RIMS1: variants seen among roughly 807,000 people sequenced by gnomAD.
RIMS1 encodes the protein regulating synaptic membrane exocytosis protein 1.
In RIMS1, 83 loss-of-function variants were observed where a neutral mutation model predicts 214.1. The observed-to-expected ratio is 0.39, with a 90% confidence interval of 0.32 to 0.47. The LOEUF is 0.47. Ranked by LOEUF, RIMS1 falls within the 20% of genes least tolerant of loss-of-function variation. The pLI, the probability that RIMS1 is intolerant of heterozygous loss-of-function variation, is 0.99. For missense variants in RIMS1, 2,050 were observed against 2,161.8 expected (o/e 0.95, Z 1.03); for synonymous variants, 793 against 786.8 (o/e 1.01, Z -0.13).
intron 4 of RIMS1, among the ~76,000 whole-genome samples, chr6:72,144,863 A>G (rs1292034802): frequency 2.0e-5 from 3 of 151,822 alleles, no homozygotes; most frequent in Non-Finnish European, 4.4e-5. Context: ...CAAGTGTATG[A>G]TAAGGATTTT....
intron 29 of RIMS1, among the ~76,000 whole-genome samples, chr6:72,380,964 T>C (rs1057314474): frequency 6.6e-6 from 1 of 152,190 alleles, no homozygotes; most frequent in Non-Finnish European, 1.5e-5. Context: ...ATCACAATTA[T>C]TAAATAACAT....
intron 6 of RIMS1, among the ~76,000 whole-genome samples, chr6:72,200,612 T>C (rs1282328756): frequency 6.6e-6 from 1 of 152,130 alleles, no homozygotes; most frequent in African/African-American, 2.4e-5. Flanking sequence ...TTATGAAGGA[T>C]AGAGATGAGA....
intron 22 of RIMS1, among the ~76,000 whole-genome samples, chr6:72,269,898 A>T (rs1207188248): frequency 6.6e-6 from 1 of 152,146 alleles, no homozygotes; most frequent in African/African-American, 2.4e-5. Flanking sequence ...GTTAAATACC[A>T]TATCTTTGTA....
intron 2 of RIMS1, among the ~76,000 whole-genome samples, chr6:72,014,746 T>G (rs1386512017): frequency 6.6e-6 from 1 of 152,240 alleles, no homozygotes. Flanking sequence ...TCCACATCCT[T>G]GCCTTGTCAT....
chr6:72,367,715 T>A (rs1038357265), intron 29 of RIMS1, among the ~76,000 whole-genome samples: 3 of 152,176 alleles, frequency 2.0e-5, no homozygotes, highest in African/African-American at 7.2e-5. Context: ...AAAACAGTGC[T>A]GTTCTCCAAA....
chr6:72,116,197 C>A (rs1253823733), intron 4 of RIMS1, among the ~76,000 whole-genome samples: 1 of 151,922 alleles, frequency 6.6e-6, no homozygotes, highest in African/African-American at 2.4e-5. Flanking sequence ...TCTGCCTCAA[C>A]TTTTATACAG....
intron 1 of RIMS1, among the ~76,000 whole-genome samples, chr6:71,890,631 G>A (rs185296912): frequency 7.2e-5 from 10 of 139,780 alleles, no homozygotes; most frequent in African/African-American, 2.7e-4. Flanking sequence ...AATAGTAAGA[G>A]AAGAGAAAAA....
Position 72,284,084 on chromosome 6 carries a change from C to A in RIMS1, c.3520C>A (p.Gln1174Lys). The A allele has an allele frequency of 6.2e-7, 1 of 1,613,180 alleles. No individual in the cohort carries two copies. Among genetic ancestry groups the A allele is most frequent in the Non-Finnish European group, 8.5e-7 (1 of 1,179,348 alleles). Residue 1174 changes from glutamine (Q) to lysine (K), a missense_variant, in exon 24 of 34, where the codon CAG (glutamine) becomes AAG (lysine). Around this residue, in one of 6 missense-constraint regions of RIMS1, gnomAD observed 889 missense variants for 885.5 expected, o/e 1.00. Transcript: ENST00000521978. ...RKSERSSIQK[Q>K]TRKGTASDAE... Reference sequence around the variant, plus strand: ...GTCTGAAAGATCTAGCATCCAAAAACAGACTAGGAAAGGCACTGCCTCTGA... The same window carrying A: ...GTCTGAAAGATCTAGCATCCAAAAAAAGACTAGGAAAGGCACTGCCTCTGA...
intron 4 of RIMS1, among the ~76,000 whole-genome samples, chr6:72,118,205 T>A (rs1377147310): frequency 4.6e-5 from 7 of 151,450 alleles, no homozygotes; most frequent in African/African-American, 1.5e-4. Flanking sequence ...AAATATACAA[T>A]ACTTCTAGAT....
chr6:72,317,163 C>T (rs906278596), intron 28 of RIMS1: 10 of 342,832 alleles, frequency 2.9e-5, no homozygotes, highest in African/African-American at 1.9e-4. Context: ...AGGGTGCCCC[C>T]TCCCCAGAGT....
intron 6 of RIMS1, among the ~76,000 whole-genome samples, chr6:72,219,357 A>T (rs2057544034): frequency 6.6e-6 from 1 of 152,176 alleles, no homozygotes; most frequent in African/African-American, 2.4e-5. Context: ...TGCTTCACGT[A>T]GGCCAATCTT....
intron 2 of RIMS1, among the ~76,000 whole-genome samples, chr6:72,080,857 A>C (rs911023771): frequency 1.1e-4 from 17 of 152,322 alleles, no homozygotes; most frequent in African/African-American, 3.8e-4. Flanking sequence ...ACTTTAAAAA[A>C]ACAGGGAAAT....
At chr6:72,337,451 A>T (rs994960159) in intron 29 of RIMS1, among the ~76,000 whole-genome samples, 7 of 151,856 alleles carry the variant, frequency 4.6e-5, no homozygotes, top group African/African-American at 1.7e-4. Context: ...GATAAAAGTA[A>T]TATGTCTACA....
chr6:72,284,028 T>G lies in RIMS1; in HGVS notation c.3483-19T>G, dbSNP rs1398494991. ...GCTTTATTCATCATATATTTTGTGT[T>G]TAACATTTCATTCCACAGGCACTCC... On this transcript the variant is annotated intron_variant, in intron 23 of 33. Transcript: ENST00000521978. 1 of 1,601,346 alleles carries G rather than the reference T, an allele frequency of 6.2e-7. No homozygotes were observed. The highest frequency in any genetic ancestry group is 8.6e-7 in the Non-Finnish European group (1 of 1,169,410).
At chr6:72,365,348 A>G (rs1398735321) in intron 29 of RIMS1, among the ~76,000 whole-genome samples, 1 of 152,190 alleles carries the variant, frequency 6.6e-6, no homozygotes, top group African/African-American at 2.4e-5. Flanking sequence ...GCAGCCTTCT[A>G]TAAACCCAGA....
chr6:72,114,896 G>C (rs1339062288), intron 4 of RIMS1, among the ~76,000 whole-genome samples: 1 of 151,840 alleles, frequency 6.6e-6, no homozygotes. Context: ...GGTATGAGAG[G>C]GATGTTTGGT....
At chr6:72,119,407 T>A (rs1329714276) in intron 4 of RIMS1, among the ~76,000 whole-genome samples, 2 of 151,676 alleles carry the variant, frequency 1.3e-5, no homozygotes, top group Admixed American at 1.3e-4. Context: ...TCTACAGATT[T>A]AGGGCAATTC....
chr6:72,277,282 C>T (rs530234872), intron 23 of RIMS1, among the ~76,000 whole-genome samples: 1 of 152,138 alleles, frequency 6.6e-6, no homozygotes, highest in African/African-American at 2.4e-5. Flanking sequence ...GTACTTTTAT[C>T]TAAGAATATT....
intron 6 of RIMS1, among the ~76,000 whole-genome samples, chr6:72,212,220 C>A: frequency 6.6e-6 from 1 of 151,622 alleles, no homozygotes. Flanking sequence ...TAATTTTTTT[C>A]ATAAATTAGG....
Sources: gnomAD v4.1 joint callset for allele counts (sites outside exome capture counted in the v4.1 genomes callset) on GRCh38, gnomAD v4.1.1 for gene constraint, gnomAD v4.1.1 regional missense constraint, MANE v1.5 for transcripts, NCBI Gene and HGNC (gene_info 2026-07-23, HGNC 2026-07-21) for gene names.